PDLIM5: variants seen among roughly 807,000 people sequenced by gnomAD.
PDLIM5 encodes PDZ and LIM domain 5.
PDLIM5 carries 34 observed loss-of-function variants against 64.2 expected under a neutral mutation model. The ratio of observed to expected loss-of-function variants is 0.53; its 90% confidence interval spans 0.40 to 0.71. The LOEUF (loss-of-function observed/expected upper bound fraction) is 0.71. Among genes scored for constraint, PDLIM5 ranks in the 30% least tolerant of loss-of-function variants. The probability of loss-of-function intolerance (pLI) is 0.00; values close to 1 mark genes in which losing one functional copy is unlikely to be tolerated. For missense variants in PDLIM5, 683 were observed against 733.6 expected (o/e 0.93, Z 0.80); for synonymous variants, 253 against 269.1 (o/e 0.94, Z 0.59).
At chr4:94,541,926 A>G (rs1394990995) in intron 3 of PDLIM5, among the ~76,000 whole-genome samples, 1 of 152,240 alleles carries the variant, frequency 6.6e-6, no homozygotes, top group Non-Finnish European at 1.5e-5. Context: ...TGCCCTGGCC[A>G]GAGCCTGCTA....
At chr4:94,567,617 C>T (rs967095459) in intron 3 of PDLIM5, among the ~76,000 whole-genome samples, 19 of 151,664 alleles carry the variant, frequency 1.3e-4, no homozygotes, top group Admixed American at 7.9e-4. Context: ...TCAGTCTCTT[C>T]CCTTGCATAA....
chr4:94,581,027 A>C (rs1416637682), intron 5 of PDLIM5, among the ~76,000 whole-genome samples: 2 of 152,156 alleles, frequency 1.3e-5, no homozygotes, highest in Non-Finnish European at 2.9e-5. Flanking sequence ...CAAATATGCT[A>C]AACATAAACC....
chr4:94,626,304 A>G (rs1422171056), intron 8 of PDLIM5, among the ~76,000 whole-genome samples: 2 of 128,560 alleles, frequency 1.6e-5, no homozygotes, highest in Non-Finnish European at 3.6e-5. Flanking sequence ...TTCAGTTGTA[A>G]CAGATATTTT....
chr4:94,506,718 G>C (rs1367219213), intron 2 of PDLIM5, among the ~76,000 whole-genome samples: 2 of 152,112 alleles, frequency 1.3e-5, no homozygotes, highest in Non-Finnish European at 2.9e-5. Flanking sequence ...GTGTCAACTT[G>C]GTTGGATTGA....
chr4:94,582,017 T>G (rs1735773832), intron 5 of PDLIM5, among the ~76,000 whole-genome samples: 1 of 152,180 alleles, frequency 6.6e-6, no homozygotes, highest in African/African-American at 2.4e-5. Flanking sequence ...GTGGTATTAA[T>G]GAGGGACAGG....
intron 2 of PDLIM5, among the ~76,000 whole-genome samples, chr4:94,478,308 C>T (rs1455020543): frequency 6.8e-6 from 1 of 147,690 alleles, no homozygotes; most frequent in Non-Finnish European, 1.5e-5. Context: ...ATGCAAAATA[C>T]ATGTTAATTG....
intron 3 of PDLIM5, among the ~76,000 whole-genome samples, chr4:94,534,669 A>T (rs549930795): frequency 6.6e-6 from 1 of 152,228 alleles, no homozygotes; most frequent in Non-Finnish European, 1.5e-5. Context: ...CCTAGGACAT[A>T]ATAAGGATAA....
intron 2 of PDLIM5, among the ~76,000 whole-genome samples, chr4:94,498,353 A>G (rs1727593420): frequency 6.6e-6 from 1 of 152,188 alleles, no homozygotes; most frequent in Non-Finnish European, 1.5e-5. Context: ...TCATAATGAC[A>G]TATTCACAGT....
intron 7 of PDLIM5, among the ~76,000 whole-genome samples, chr4:94,598,157 T>G (rs1737210427): frequency 6.6e-6 from 1 of 152,132 alleles, no homozygotes; most frequent in South Asian, 2.1e-4. Flanking sequence ...CCCATATTTG[T>G]GAGTACCATG....
intron 2 of PDLIM5, among the ~76,000 whole-genome samples, chr4:94,482,780 T>G (rs149577468): frequency 1.3e-4 from 20 of 152,172 alleles, no homozygotes; most frequent in Admixed American, 5.2e-4. Context: ...TCCCAGCTAC[T>G]CAGGAGGCTG....
chr4:94,561,542 G>A (rs1733848833), intron 3 of PDLIM5, among the ~76,000 whole-genome samples: 1 of 150,490 alleles, frequency 6.6e-6, no homozygotes, highest in Non-Finnish European at 1.5e-5. Context: ...CATGGAACAT[G>A]TGTTTTTTTC....
chr4:94,471,959 A>G (rs1560637495), intron 2 of PDLIM5, among the ~76,000 whole-genome samples: 2 of 152,320 alleles, frequency 1.3e-5, no homozygotes, highest in South Asian at 4.1e-4. Flanking sequence ...CAAAGACCTT[A>G]TAAGTATTTG....
chr4:94,600,879 T>G (rs1737433946), intron 7 of PDLIM5, among the ~76,000 whole-genome samples: 1 of 152,248 alleles, frequency 6.6e-6, no homozygotes, highest in African/African-American at 2.4e-5. Context: ...CTTTAGACCC[T>G]ATAGAACATT....
chr4:94,482,057 A>C (rs181070627), intron 2 of PDLIM5, among the ~76,000 whole-genome samples: 1 of 151,880 alleles, frequency 6.6e-6, no homozygotes, highest in Non-Finnish European at 1.5e-5. Flanking sequence ...TACTTCCTTA[A>C]TAGGGTACTT....
Position 94,665,877 on chromosome 4 carries a change from T to C in PDLIM5, c.*1810T>C. ...AGTTTAATTACTCAGATTGGCCTGT[T>C]ATTTGATTTCCTCCTTTGGGAAAAG... On this transcript the variant is annotated 3_prime_UTR_variant, in exon 13 of 13. Coordinates refer to ENST00000317968, the MANE Select transcript of PDLIM5 (RefSeq NM_006457.5). 1 of 1,417,902 alleles carries C rather than the reference T, an allele frequency of 7.1e-7. No homozygotes were observed. The highest frequency in any genetic ancestry group is 9.1e-7 in the Non-Finnish European group (1 of 1,092,938). The allele number at this position is 1,417,902 out of a possible 1,614,324, so 87.8% of individuals were successfully genotyped here.
chr4:94,651,842 G>A (rs1741867866), intron 9 of PDLIM5, among the ~76,000 whole-genome samples: 1 of 152,120 alleles, frequency 6.6e-6, no homozygotes. Context: ...GAAGAGCAAG[G>A]GTGAATTTCA....
chr4:94,659,480 GTATA>G lies in PDLIM5; in HGVS notation c.1585+1937_1585+1940del, dbSNP rs548646679. 5.9e-3 allele frequency among the ~76,000 whole-genome samples: 785 copies of G among 133,386 alleles called. 7 individuals are homozygous for G. The highest frequency in any genetic ancestry group is 0.02 in the African/African-American group (668 of 34,230). The allele number at this position is 133,386 out of a possible 152,430, so 87.5% of individuals were successfully genotyped here. The stretch of plus-strand genomic sequence containing the variant: ...AAACAGCAGGCATAGAGCAGCTGTA[GTATA>G]TATGTGTGTATGTGTGTGTGTGTGT... On this transcript the variant is annotated intron_variant, in intron 11 of 12. Coordinates refer to ENST00000317968, the MANE Select transcript of PDLIM5 (RefSeq NM_006457.5).
intron 8 of PDLIM5, among the ~76,000 whole-genome samples, chr4:94,634,489 A>T (rs2110440968): frequency 6.6e-6 from 1 of 152,098 alleles, no homozygotes; most frequent in South Asian, 2.1e-4. Flanking sequence ...GTTCTTTGGG[A>T]TATCATCCCC....
chr4:94,554,769 G>T (rs1325962880), intron 3 of PDLIM5, among the ~76,000 whole-genome samples: 1 of 3,620 alleles, frequency 2.8e-4, no homozygotes, highest in Non-Finnish European at 5.5e-4. Context: ...TTTGGTATCT[G>T]CAATGTGTGT....
Sources: allele counts gnomAD v4.1 joint callset (sites outside exome capture counted in the v4.1 genomes callset), GRCh38; gene constraint gnomAD v4.1.1; transcripts MANE v1.5; gene names NCBI Gene and HGNC (gene_info 2026-07-23, HGNC 2026-07-21).